The following RNF216 variants were observed in gnomAD, a reference collection of about 807,000 sequenced individuals.
RNF216 encodes the protein E3 ubiquitin-protein ligase RNF216.
In RNF216, 72 loss-of-function variants were observed where a neutral mutation model predicts 110.8. That is an observed-to-expected ratio of 0.65 (90% confidence interval 0.54 to 0.79). The LOEUF (loss-of-function observed/expected upper bound fraction) is 0.79. Among genes scored for constraint, RNF216 ranks in the 30% least tolerant of loss-of-function variants. RNF216 has a pLI of 0.00. For missense variants in RNF216, 1,342 were observed against 1,141.2 expected, an observed-to-expected ratio of 1.18 and a Z score of -2.54; for synonymous variants, 495 against 407.5, an observed-to-expected ratio of 1.21 and a Z score of -2.59.
intron 13 of RNF216, among the ~76,000 whole-genome samples, chr7:5,678,748 T>C (rs1790465146): frequency 6.6e-6 from 1 of 152,178 alleles, no homozygotes; most frequent in African/African-American, 2.4e-5. Context: ...GCTACAGCAG[T>C]GGGACAAGCT....
intron 1 of RNF216, 68 bp from the exon 2 acceptor site, chr7:5,761,206 A>G (rs1795916295): frequency 1.8e-6 from 1 of 545,966 alleles, no homozygotes; most frequent in Non-Finnish European, 3.2e-6. Context: ...GTATCTGGTC[A>G]GGGGAACATC....
At chr7:5,642,150 TATG>T (rs1787773992) in intron 14 of RNF216, among the ~76,000 whole-genome samples, 1 of 151,832 alleles carries the variant, frequency 6.6e-6, no homozygotes, top group South Asian at 2.1e-4. Context: ...TACATCCGTT[TATG>T]ATTTTAGTTA....
chr7:5,766,501 G>C (rs1238506728), intron 1 of RNF216, among the ~76,000 whole-genome samples: 3 of 152,082 alleles, frequency 2.0e-5, no homozygotes, highest in Admixed American at 6.6e-5. Flanking sequence ...CTGAGAAGAA[G>C]AGATCTAGAG....
chr7:5,632,776 T>C (rs1042231686), intron 15 of RNF216, among the ~76,000 whole-genome samples: 1 of 151,588 alleles, frequency 6.6e-6, no homozygotes, highest in Non-Finnish European at 1.5e-5. Flanking sequence ...AAACTCCATC[T>C]CCAAAAAACA....
intron 15 of RNF216, among the ~76,000 whole-genome samples, chr7:5,629,226 C>G (rs1375213592): frequency 6.7e-6 from 1 of 150,182 alleles, no homozygotes; most frequent in Non-Finnish European, 1.5e-5. Flanking sequence ...AAGACAATTC[C>G]AGTGCTTTGG....
At chr7:5,771,004 C>T (rs575518043) in intron 1 of RNF216, among the ~76,000 whole-genome samples, 2 of 152,160 alleles carry the variant, frequency 1.3e-5, no homozygotes, top group African/African-American at 2.4e-5. Context: ...GACAGGGTTT[C>T]ACCATGTTGG....
intron 13 of RNF216, among the ~76,000 whole-genome samples, chr7:5,689,815 G>A (rs1382188208): frequency 1.3e-5 from 2 of 151,928 alleles, no homozygotes; most frequent in Non-Finnish European, 2.9e-5. Context: ...AATTAGCTGG[G>A]TGTTATTCCA....
chr7:5,773,164 A>G (rs1170538783), intron 1 of RNF216, among the ~76,000 whole-genome samples: 2 of 152,150 alleles, frequency 1.3e-5, no homozygotes, highest in Non-Finnish European at 2.9e-5. Flanking sequence ...TGTTATTAAT[A>G]AGTAGCATGG....
In RNF216 at chr7:5,657,576, A is replaced by T. The variant is rs190449319; in HGVS notation, c.2062-5066T>A. Among the ~76,000 whole-genome samples the T allele has an allele frequency of 1.8e-3, 276 of 152,180 alleles. 3 individuals are homozygous for T. The South Asian group carries it at 0.033, about 18-fold the overall frequency. ...GAGTGAAATTCTGTCTAAAAAAAAA[A>T]AATAATAAAATAAAATGGTGAGACT... is the stretch of plus-strand genomic sequence containing the variant. On this transcript the variant is annotated intron_variant, in intron 13 of 16. Transcript: ENST00000389902.
intron 5 of RNF216, among the ~76,000 whole-genome samples, chr7:5,736,706 G>A (rs549951544): frequency 2.6e-5 from 4 of 151,526 alleles, no homozygotes; most frequent in Admixed American, 1.3e-4. Context: ...CATCATCTGA[G>A]ACGTGGGGAG....
chr7:5,765,964 A>AG (rs1796187304), intron 1 of RNF216, among the ~76,000 whole-genome samples: 1 of 148,716 alleles, frequency 6.7e-6, no homozygotes, highest in Non-Finnish European at 1.5e-5. Context: ...AAAAAAAAAA[A>AG]AAAGAAAGAA....
chr7:5,652,520 A>G lies in RNF216; in HGVS notation c.2062-10T>C, dbSNP rs779985350. On this transcript the variant is annotated splice_polypyrimidine_tract_variant and intron_variant, in intron 13 of 16. Transcript: ENST00000389902. The stretch of plus-strand genomic sequence containing the variant: ...ACTTCCTACAGGTTTCCTGGGGATA[A>G]AGGACAGACACAAAGACAACTCCTG... The G allele has an allele frequency of 1.9e-6, 3 of 1,590,238 alleles. No individual in the cohort carries two copies. The Admixed American group carries it at 5.0e-5, about 27-fold the overall frequency.
intron 15 of RNF216, among the ~76,000 whole-genome samples, chr7:5,637,709 T>C (rs909342232): frequency 3.3e-5 from 5 of 151,990 alleles, no homozygotes; most frequent in African/African-American, 1.2e-4. Flanking sequence ...CTGGATAACT[T>C]TGGGATTTTT....
chr7:5,716,748 C>T lies in RNF216; in HGVS notation c.1663G>A (p.Ala555Thr). The change falls in exon 10 of 17, where the codon GCC becomes ACC. Residue 555 changes from alanine (A) to threonine (T), a missense_variant. Physicochemically the swap from Ala to Thr is moderately conservative, Grantham distance 58 (BLOSUM62 0). Coordinates refer to ENST00000389902, the MANE Select transcript of RNF216 (RefSeq NM_207111.4). ...TACTGTTCTTCATTCATCTGTAGGGCAAGCAAAAAGTCTTCATGCTGAAGA... is the reference window on the plus strand; with the variant it reads ...TACTGTTCTTCATTCATCTGTAGGGTAAGCAAAAAGTCTTCATGCTGAAGA... ...EMAEHEDFLL[A>T]LQMNEEQYQK... 1.2e-6 allele frequency: 2 copies of T among 1,606,040 alleles called. No individual in the cohort carries two copies. Among genetic ancestry groups the T allele is most frequent in the Non-Finnish European group, 1.7e-6 (2 of 1,175,808 alleles).
At chr7:5,748,298 T>C (rs150016260) in intron 3 of RNF216, among the ~76,000 whole-genome samples, 3 of 152,346 alleles carry the variant, frequency 2.0e-5, no homozygotes, top group Admixed American at 2.0e-4. Context: ...CACCTCATTT[T>C]AATGCTGAAA....
At chr7:5,732,302 A>G (rs1282693658) in intron 5 of RNF216, among the ~76,000 whole-genome samples, 2 of 152,140 alleles carry the variant, frequency 1.3e-5, no homozygotes, top group Admixed American at 1.3e-4. Flanking sequence ...AGTTCCAGAC[A>G]ACTCATTACA....
At chr7:5,759,880 C>T (rs1044618459) in intron 2 of RNF216, among the ~76,000 whole-genome samples, 1 of 152,078 alleles carries the variant, frequency 6.6e-6, no homozygotes, top group African/African-American at 2.4e-5. Context: ...ATCCACCCGC[C>T]TCGGTCTCCC....
intron 3 of RNF216, among the ~76,000 whole-genome samples, chr7:5,746,088 G>A (rs1795015590): frequency 6.6e-6 from 1 of 152,132 alleles, no homozygotes; most frequent in Non-Finnish European, 1.5e-5. Context: ...AGGAACACAG[G>A]AAAAACGGCT....
At chr7:5,663,615 T>C (rs1003772534) in intron 13 of RNF216, among the ~76,000 whole-genome samples, 3 of 143,508 alleles carry the variant, frequency 2.1e-5, no homozygotes, top group Middle Eastern at 3.7e-3. Flanking sequence ...AAAAGTTCAC[T>C]TGAGGCCGGG....
Sources: allele counts gnomAD v4.1 joint callset (sites outside exome capture counted in the v4.1 genomes callset), GRCh38; gene constraint gnomAD v4.1.1; transcripts MANE v1.5; gene names NCBI Gene and HGNC (gene_info 2026-07-23, HGNC 2026-07-21).